Variants in CD5 observed in about 807,000 individuals in gnomAD.
CD5 encodes the protein CD5 molecule.
In CD5, 36 loss-of-function variants were observed where a neutral mutation model predicts 60.3. The observed-to-expected ratio is 0.60, with a 90% CI of 0.46 to 0.79. The LOEUF is 0.79. CD5 is among the 30% of genes least tolerant of loss of function. The pLI is 0.00. For missense variants in CD5, 540 were observed against 630.6 expected, an observed-to-expected ratio of 0.86 and a Z score of 1.54; for synonymous variants, 230 against 257.6, an observed-to-expected ratio of 0.89 and a Z score of 1.03.
chr11:61,123,838 T>A, intron 7 of CD5, 46 bp from the exon 8 acceptor site: 8 of 995,210 alleles, frequency 8.0e-6, no homozygotes, highest in Non-Finnish European at 1.1e-5. Flanking sequence ...CCCCCACCCA[T>A]ACCTGCCCCC....
At chr11:61,124,250 T>C (rs966914502) in intron 8 of CD5, among the ~76,000 whole-genome samples, 24 of 152,134 alleles carry the variant, frequency 1.6e-4, no homozygotes, top group Admixed American at 4.6e-4. Flanking sequence ...TCCAGCAGTA[T>C]TCCCCAACAC....
At chr11:61,111,775 G>A (rs77348582) in intron 1 of CD5, among the ~76,000 whole-genome samples, 3,350 of 152,250 alleles carry the variant, frequency 0.022, 107 homozygotes, top group South Asian at 0.032. Flanking sequence ...GCTCCCCGAG[G>A]GTCTGCTGCC....
intron 1 of CD5, among the ~76,000 whole-genome samples, chr11:61,113,896 C>T (rs908373275): frequency 6.6e-6 from 1 of 152,204 alleles, no homozygotes; most frequent in African/African-American, 2.4e-5. Flanking sequence ...TCTCAAACTC[C>T]TGACCTCAAG....
rs556626669 is a variant in CD5, at chr11:61,112,803, G to A, written c.56-2253G>A. Among the ~76,000 whole-genome samples the A allele has an allele frequency of 2.6e-5, 4 of 152,326 alleles. No homozygotes were observed. In the South Asian group the frequency reaches 6.2e-4, roughly 24 times the overall value. On this transcript the variant is annotated intron_variant, in intron 1 of 10. Coordinates refer to ENST00000347785, the MANE Select transcript of CD5 (RefSeq NM_014207.4). ...CCACGAAAGGATCTTGCAGATTCAG[G>A]GGAAACTTATCACATGGCCATGATG...
upstream of CD5, among the ~76,000 whole-genome samples, chr11:61,102,113 C>T (rs1430452082): frequency 2.6e-5 from 4 of 152,206 alleles, no homozygotes. Flanking sequence ...GAACTGGCAT[C>T]ATGCTGCCCA....
Position 61,118,059 on chromosome 11 carries a change from A to G in CD5, c.95-116A>G. On this transcript the variant is annotated intron_variant, in intron 2 of 10. Transcript: ENST00000347785. This position sits in a 1 kb window ranked among gnomAD's most constrained non-coding sequence, Gnocchi z 4.7. The stretch of plus-strand genomic sequence containing the variant: ...GGACGAAGCTCACAAGGGGCAAGGC[A>G]GGCAGCCCACGGGGCAGGAGGGAGC... 9.2e-7 allele frequency: 1 copy of G among 1,083,264 alleles called. No homozygotes were observed. 67.1% of individuals were successfully genotyped at this position (1,083,264 alleles called of 1,614,324 possible).
At chr11:61,103,605 GTGTC>G (rs1466290274) in intron 1 of CD5, among the ~76,000 whole-genome samples, 1 of 151,526 alleles carries the variant, frequency 6.6e-6, no homozygotes, top group Non-Finnish European at 1.5e-5. Context: ...GAGTCTATGT[GTGTC>G]TGTGTGAGTC....
At chr11:61,123,817 A>AC in intron 7 of CD5, 67 bp from the exon 8 acceptor site, 8 of 213,446 alleles carry the variant, frequency 3.7e-5, no homozygotes, top group South Asian at 8.0e-5. Context: ...CCCCATCCCC[A>AC]CCCCTGCCTG....
At chr11:61,100,247 C>T (rs943544577), upstream of CD5, among the ~76,000 whole-genome samples, 1 of 138,352 alleles carries the variant, frequency 7.2e-6, no homozygotes, top group Admixed American at 7.2e-5. Context: ...ATCACACACA[C>T]ACATCAACAT....
intron 2 of CD5, among the ~76,000 whole-genome samples, chr11:61,116,577 CACACCACATGCACACT>C (rs1409728448): frequency 7.1e-4 from 93 of 131,196 alleles, no homozygotes; most frequent in African/African-American, 2.6e-3. Context: ...ACACACCACA[CACACCACATGCACACT>C]ACACACCACA....
In CD5 at chr11:61,121,838, C is replaced by T. The variant is rs760385736; in HGVS notation, c.1033C>T (p.Gln345Ter). Residue 345 changes from glutamine to a stop codon, truncating the protein, a stop_gained, in exon 6 of 11, where the codon CAG (glutamine) becomes TAG (stop). Transcript: ENST00000347785. LOFTEE classifies it high-confidence loss of function. ...ATCCCGGGGGCTCTTCTGTCCCCAT[C>T]AGAAGCTGTCCCAGTGCCACGAACT... ...PTSRGLFCPH[Q>*]KLSQCHELWE... is the part of the protein sequence containing the mutation. 4.5e-5 allele frequency: 71 copies of T among 1,590,774 alleles called. No individual in the cohort carries two copies. Among genetic ancestry groups the T allele is most frequent in the Admixed American group, 6.9e-5 (4 of 58,230 alleles).
At chr11:61,117,379 T>C (rs1288141583) in intron 2 of CD5, among the ~76,000 whole-genome samples, 8 of 152,208 alleles carry the variant, frequency 5.3e-5, no homozygotes, top group African/African-American at 1.9e-4. Flanking sequence ...ATGATGGAAA[T>C]GTTCCATATC....
chr11:61,106,302 T>C (rs1311052320), intron 1 of CD5, among the ~76,000 whole-genome samples: 1 of 151,878 alleles, frequency 6.6e-6, no homozygotes, highest in Non-Finnish European at 1.5e-5. Flanking sequence ...CATCTGAGAA[T>C]CCGAGACCTG....
chr11:61,122,658 A>T (rs1379018467), intron 6 of CD5, among the ~76,000 whole-genome samples: 2 of 152,096 alleles, frequency 1.3e-5, no homozygotes, highest in South Asian at 4.1e-4. Context: ...TAAATAGCTT[A>T]TAACAAGTGT....
intron 5 of CD5, 67 bp from the exon 6 acceptor site, chr11:61,121,544 C>A: frequency 7.4e-7 from 1 of 1,351,156 alleles, no homozygotes; most frequent in Admixed American, 2.7e-5. Context: ...GGCATGGGGC[C>A]CCAGGAAGCA....
At chr11:61,104,930 T>G (rs2134592596) in intron 1 of CD5, among the ~76,000 whole-genome samples, 1 of 152,308 alleles carries the variant, frequency 6.6e-6, no homozygotes, top group Non-Finnish European at 1.5e-5. Flanking sequence ...GGCACTTCCG[T>G]GTGCAGGAAA....
In CD5 at chr11:61,102,560, C is replaced by T. The variant is rs773642266; in HGVS notation, c.-1C>T. 7 of 1,583,036 alleles carry T rather than the reference C, an allele frequency of 4.4e-6. No individual in the cohort carries two copies. In the African/African-American group the frequency reaches 9.4e-5, roughly 21 times the overall value. ...GCTGAGGCAAGAGAAGGCCAGAAAC[C>T]ATGCCCATGGGGTCTCTGCAACCGC... On this transcript the variant is annotated 5_prime_UTR_variant, in exon 1 of 11. Transcript: ENST00000347785.
At chr11:61,110,015 GC>G (rs1860830069) in intron 1 of CD5, among the ~76,000 whole-genome samples, 2 of 152,150 alleles carry the variant, frequency 1.3e-5, no homozygotes, top group South Asian at 4.1e-4. Flanking sequence ...GCTTCATGAG[GC>G]TAGGAAGGAT....
At position 61,118,280 on chromosome 11, in the gene CD5, G is replaced by A. The variant is rs766968428; in HGVS notation, c.200G>A (p.Ser67Asn). ...GTTTGCAGCCAGAGCTGGGGCCGGA[G>A]CTCCAAGCAGTGGGAGGACCCCAGT... ...HMVCSQSWGR[S>N]SKQWEDPSQA... is the part of the protein sequence containing the mutation. Residue 67 changes from serine (S) to asparagine (N), a missense_variant, in exon 3 of 11, where the codon AGC becomes AAC. Coordinates refer to ENST00000347785, the MANE Select transcript of CD5 (RefSeq NM_014207.4). The surrounding 1 kb of genome is among the most constrained non-coding windows in gnomAD (Gnocchi z 4.7). 36 of 1,614,264 alleles carry A rather than the reference G, an allele frequency of 2.2e-5. No individual in the cohort carries two copies. Among genetic ancestry groups the A allele is most frequent in the Non-Finnish European group, 3.1e-5 (36 of 1,180,050 alleles).
Sources: gnomAD v4.1 joint callset for allele counts (sites outside exome capture counted in the v4.1 genomes callset) on GRCh38, gnomAD v4.1.1 for gene constraint, Gnocchi (gnomAD v3.1) non-coding constraint, MANE v1.5 for transcripts, NCBI Gene and HGNC (gene_info 2026-07-23, HGNC 2026-07-21) for gene names.